The following ZNF44 variants were observed in gnomAD, a reference collection of about 807,000 sequenced individuals.
ZNF44 encodes the protein zinc finger protein 44.
In ZNF44, 9 loss-of-function variants were observed where a neutral mutation model predicts 11.7. The observed-to-expected ratio is 0.77, with a 90% CI of 0.46 to 1.35. The LOEUF (loss-of-function observed/expected upper bound fraction) is 1.35. Ranked by LOEUF, ZNF44 falls within the 40% of genes most tolerant of loss-of-function variation. The pLI is 0.00. For synonymous variants in ZNF44, 224 were observed against 242.7 expected (o/e 0.92, Z 0.72); for missense variants, 696 against 743.1 (o/e 0.94, Z 0.74).
chr19:12,229,175 C>T (rs1246505918), intron 3 of ZNF44, among the ~76,000 whole-genome samples: 2 of 152,094 alleles, frequency 1.3e-5, no homozygotes, highest in African/African-American at 4.8e-5. Context: ...ACACAGACAA[C>T]CAGAAGAAGA....
At chr19:12,281,403 G>T (rs1599539018) in intron 1 of ZNF44, among the ~76,000 whole-genome samples, 2 of 152,238 alleles carry the variant, frequency 1.3e-5, no homozygotes, top group Admixed American at 1.3e-4. Context: ...ATATATCTTA[G>T]CAAAATCTTT....
At chr19:12,235,680 G>A (rs1017582049) in intron 1 of ZNF44, among the ~76,000 whole-genome samples, 2 of 152,142 alleles carry the variant, frequency 1.3e-5, no homozygotes, top group Admixed American at 1.3e-4. Context: ...TGCCAGGTGC[G>A]GTGGCTCATG....
At chr19:12,250,836 T>C (rs1169173841) in intron 5 of ZNF44, 1 of 456,112 alleles carries the variant, frequency 2.2e-6, no homozygotes, top group African/African-American at 2.0e-5. Context: ...CACGTGGAAA[T>C]CAAACTTGTA....
rs142658465 is a variant in ZNF44, at chr19:12,251,839, G to T, written c.1913-1471C>A. 4.2e-3 allele frequency among the ~76,000 whole-genome samples: 639 copies of T among 152,176 alleles called. 5 individuals are homozygous for T. The highest frequency in any genetic ancestry group is 0.015 in the African/African-American group (607 of 41,520). ...GGCCGAGGCAGGCAGATCACCTGAG[G>T]TCGGGAGTTTGAGACCAGCCTGACC... On this transcript the variant is annotated intron_variant and NMD_transcript_variant, in intron 5 of 7. Coordinates refer to the ZNF44 transcript ENST00000393337.
rs146256250 is a variant in ZNF44, at chr19:12,272,294, C to T, written c.*113G>A. The T allele has an allele frequency of 1.3e-3, 1,761 of 1,380,754 alleles. 8 individuals carry two copies. The Middle Eastern group carries it at 0.014, about 11-fold the overall frequency. The allele number at this position is 1,380,754 out of a possible 1,614,324, so 85.5% of individuals were successfully genotyped here. ...CTGGGATTACAGGTGTGAGCCGCTG[C>T]GCCCAGCCTGGAAACTTCTTAAGGC... On this transcript the variant is annotated 3_prime_UTR_variant, in exon 4 of 4. Transcript: ENST00000355684.
At chr19:12,279,089 G>T (rs1967359633) in intron 1 of ZNF44, among the ~76,000 whole-genome samples, 2 of 152,172 alleles carry the variant, frequency 1.3e-5, no homozygotes, top group South Asian at 4.1e-4. Context: ...ATCTCTGTCA[G>T]AACGCTGGAT....
chr19:12,290,403 A>C (rs917470903), intron 1 of ZNF44, among the ~76,000 whole-genome samples: 2 of 147,186 alleles, frequency 1.4e-5, no homozygotes, highest in African/African-American at 5.0e-5. Context: ...AACAAAAAAA[A>C]AAAAAAGGCT....
intron 1 of ZNF44, among the ~76,000 whole-genome samples, chr19:12,235,215 A>G (rs568877037): frequency 1.8e-4 from 27 of 152,104 alleles, no homozygotes; most frequent in Admixed American, 4.6e-4. Flanking sequence ...TAAAAATACA[A>G]AAAATTAGCC....
downstream of ZNF44, among the ~76,000 whole-genome samples, chr19:12,246,562 T>C (rs2145687145): frequency 6.6e-6 from 1 of 152,324 alleles, no homozygotes; most frequent in Middle Eastern, 3.4e-3. Flanking sequence ...AAACATTTTA[T>C]TAACTGACTT....
In ZNF44 at chr19:12,284,982, C is replaced by T. The variant is rs914290821; in HGVS notation, c.4-8900G>A. 12 of 718,322 alleles carry T rather than the reference C, an allele frequency of 1.7e-5. No individual in the cohort carries two copies. The East Asian group carries it at 2.3e-4, about 14-fold the overall frequency. 44.5% of individuals were successfully genotyped at this position (718,322 alleles called of 1,614,324 possible). ...TATCAGTGACTGATACACCTCAGCC[C>T]GGGGCTGCACTGCCATCCTGGGCAA... is the stretch of plus-strand genomic sequence containing the variant. On this transcript the variant is annotated intron_variant, in intron 1 of 3. Transcript: ENST00000355684.
intron 5 of ZNF44, among the ~76,000 whole-genome samples, chr19:12,252,224 ACT>A (rs2145693131): frequency 6.6e-6 from 1 of 152,248 alleles, no homozygotes; most frequent in Admixed American, 6.5e-5. Flanking sequence ...TTCCCCAGCC[ACT>A]CTAGAGAAGA....
At chr19:12,242,831 C>G (rs950292098), downstream of ZNF44, 1 of 151,840 alleles carries the variant, frequency 6.6e-6, no homozygotes, top group African/African-American at 2.4e-5. Flanking sequence ...GCCTGGGTGA[C>G]AGGGAGACCC....
chr19:12,279,921 TTGTG>T (rs60414721), intron 1 of ZNF44, among the ~76,000 whole-genome samples: 35 of 144,094 alleles, frequency 2.4e-4, no homozygotes, highest in East Asian at 6.1e-4. Flanking sequence ...GAAATTCAGA[TTGTG>T]TGTGTGTGTG....
rs1339719357 is a variant in ZNF44 at position 12,279,116 on chromosome 19, C to T, written c.4-3034G>A. ...ACGCTGGATGAACACAAGCTAAAGT[C>T]AGGAAATCTCTGTCAGAACACTGCA... On this transcript the variant is annotated intron_variant, in intron 1 of 3. Coordinates refer to ENST00000355684, the MANE Select transcript of ZNF44 (RefSeq NM_016264.4). Among the ~76,000 whole-genome samples, 4 of 152,288 alleles carry T rather than the reference C, an allele frequency of 2.6e-5. No homozygotes were observed. The South Asian group carries it at 8.3e-4, about 32-fold the overall frequency.
chr19:12,249,824 T>C (rs1916921078), intron 7 of ZNF44, among the ~76,000 whole-genome samples: 1 of 152,206 alleles, frequency 6.6e-6, no homozygotes. Context: ...AGTGCTGGGA[T>C]TACAGGCATG....
rs1433181575 is a variant in ZNF44 at position 12,294,873 on chromosome 19, G to A, written c.-179C>T. The A allele has an allele frequency of 4.4e-6, 3 of 682,772 alleles. No homozygotes were observed. Among genetic ancestry groups the A allele is most frequent in the Non-Finnish European group, 4.6e-6 (2 of 435,140 alleles). 42.3% of individuals were successfully genotyped at this position (682,772 alleles called of 1,614,324 possible). On this transcript the variant is annotated 5_prime_UTR_variant, in exon 1 of 4. Transcript: ENST00000355684. ...CGTCACACCCTCCTCTCTGCCTCGCGCCTGATTGACAATTCTCAGGAACCC... is the reference window on the plus strand; with the variant it reads ...CGTCACACCCTCCTCTCTGCCTCGCACCTGATTGACAATTCTCAGGAACCC...
chr19:12,259,532 A>G (rs759611123), intron 5 of ZNF44, among the ~76,000 whole-genome samples: 1 of 151,996 alleles, frequency 6.6e-6, no homozygotes, highest in Non-Finnish European at 1.5e-5. Flanking sequence ...CTGTTTCATC[A>G]GTGTTTTTTT....
chr19:12,245,175 T>C (rs529626713), downstream of ZNF44, among the ~76,000 whole-genome samples: 2 of 152,358 alleles, frequency 1.3e-5, no homozygotes, highest in African/African-American at 2.4e-5. Context: ...CTTGGACTTA[T>C]ATGCAAATGG....
At chr19:12,238,612 G>A (rs1456740564), upstream of ZNF44, among the ~76,000 whole-genome samples, 9 of 133,016 alleles carry the variant, frequency 6.8e-5, no homozygotes, top group Non-Finnish European at 1.3e-4. Context: ...TGGCAACAGA[G>A]AGAGACTGTC....
Sources: gnomAD v4.1 joint callset for allele counts (sites outside exome capture counted in the v4.1 genomes callset) on GRCh38, gnomAD v4.1.1 for gene constraint, MANE v1.5 for transcripts, NCBI Gene and HGNC (gene_info 2026-07-23, HGNC 2026-07-21) for gene names.